Variants in CNTN4 observed in about 807,000 individuals in gnomAD.
CNTN4 encodes the protein contactin 4, also known as contactin-4.
A neutral mutation model predicts 122.5 loss-of-function variants in CNTN4; 77 were observed. That is an observed-to-expected ratio of 0.63 (90% CI 0.52 to 0.76). The LOEUF is 0.76. Ranked by LOEUF, CNTN4 falls within the 30% of genes least tolerant of loss-of-function variation. The pLI, the probability that CNTN4 is intolerant of heterozygous loss-of-function variation, is 0.00. For synonymous variants in CNTN4, 512 were observed against 447.0 expected (o/e 1.15, Z -1.83); for missense variants, 1,256 against 1,259.1 (o/e 1.00, Z 0.04).
chr3:2,713,356 AG>A (rs2087271187), intron 4 of CNTN4, among the ~76,000 whole-genome samples: 1 of 152,210 alleles, frequency 6.6e-6, no homozygotes, highest in Non-Finnish European at 1.5e-5. Context: ...AAATTGTTTC[AG>A]TTTTTTCTAA....
rs115713879 is a variant in CNTN4 at position 2,628,864 on chromosome 3, A to G, written c.55+57306A>G. Reference sequence around the variant, plus strand: ...ACAATTTGGAACTGGATATAACCCAAAAGGGTTTTTTTGTTTGTTTTTTAC... The same window carrying G: ...ACAATTTGGAACTGGATATAACCCAGAAGGGTTTTTTTGTTTGTTTTTTAC... On this transcript the variant is annotated intron_variant, in intron 4 of 24. Transcript: ENST00000418658. 9.3e-3 allele frequency among the ~76,000 whole-genome samples: 1,413 copies of G among 152,288 alleles called. 25 individuals are homozygous for G. Among genetic ancestry groups the G allele is most frequent in the African/African-American group, 0.033 (1,359 of 41,552 alleles).
At chr3:2,776,791 G>A (rs188875188) in intron 6 of CNTN4, among the ~76,000 whole-genome samples, 16 of 152,170 alleles carry the variant, frequency 1.1e-4, no homozygotes, top group African/African-American at 2.9e-4. Context: ...TGCTGAGCCC[G>A]TAGAGTACAA....
intron 2 of CNTN4, among the ~76,000 whole-genome samples, chr3:2,168,048 G>T (rs528214654): frequency 6.6e-6 from 1 of 152,116 alleles, no homozygotes; most frequent in East Asian, 1.9e-4. Flanking sequence ...CAGGAGGATC[G>T]CTTGAGTCCA....
At chr3:2,587,457 G>C (rs1297999477) in intron 4 of CNTN4, among the ~76,000 whole-genome samples, 1 of 152,170 alleles carries the variant, frequency 6.6e-6, no homozygotes, top group Non-Finnish European at 1.5e-5. Context: ...TTCAAGTGGA[G>C]ATAAATTCTT....
intron 12 of CNTN4, among the ~76,000 whole-genome samples, chr3:2,915,037 A>C (rs935593537): frequency 3.9e-5 from 6 of 151,996 alleles, no homozygotes; most frequent in Admixed American, 3.3e-4. Flanking sequence ...GTTCCAATTG[A>C]TGAAGAAAAA....
intron 2 of CNTN4, among the ~76,000 whole-genome samples, chr3:2,153,191 C>T (rs762757866): frequency 7.9e-5 from 12 of 152,070 alleles, no homozygotes; most frequent in East Asian, 3.9e-4. Context: ...AAAATGTAAG[C>T]GTCATTGGCA....
intron 3 of CNTN4, among the ~76,000 whole-genome samples, chr3:2,468,176 A>C (rs1356094529): frequency 6.6e-6 from 1 of 152,210 alleles, no homozygotes; most frequent in African/African-American, 2.4e-5. Flanking sequence ...TAATTTTCTT[A>C]TTAAATGTAA....
chr3:2,309,779 C>T (rs975787243), intron 2 of CNTN4, among the ~76,000 whole-genome samples: 4 of 152,096 alleles, frequency 2.6e-5, no homozygotes, highest in Non-Finnish European at 5.9e-5. Context: ...GTGGAACAAG[C>T]AAGTTATGTC....
At chr3:2,567,081 AT>A (rs373707875) in intron 3 of CNTN4, among the ~76,000 whole-genome samples, 3,798 of 103,320 alleles carry the variant, frequency 0.037, 189 homozygotes, top group African/African-American at 0.11. Flanking sequence ...CAAGTCCAGA[AT>A]TTTTTTTTTT....
chr3:2,136,361 T>C (rs544199841), intron 2 of CNTN4, among the ~76,000 whole-genome samples: 2 of 152,340 alleles, frequency 1.3e-5, no homozygotes, highest in Non-Finnish European at 2.9e-5. Context: ...GTTGTTTCTT[T>C]CACTAATGAC....
At chr3:2,805,961 G>T (rs948288221) in intron 6 of CNTN4, among the ~76,000 whole-genome samples, 1 of 152,084 alleles carries the variant, frequency 6.6e-6, no homozygotes, top group Non-Finnish European at 1.5e-5. Flanking sequence ...GAGTGCAGTG[G>T]TGAGATGTCG....
chr3:2,932,649 C>T (rs9310883), intron 13 of CNTN4, among the ~76,000 whole-genome samples: 52,947 of 151,732 alleles, frequency 0.35, 10,305 homozygotes, highest in East Asian at 0.53. Context: ...GGGTTGAGGA[C>T]ATGGCTGGGA....
chr3:2,896,323 A>G (rs943940958), intron 10 of CNTN4, among the ~76,000 whole-genome samples: 6 of 152,128 alleles, frequency 3.9e-5, no homozygotes, highest in Non-Finnish European at 5.9e-5. Flanking sequence ...TGAGAATTTG[A>G]ATGAATGTAG....
At chr3:2,880,012 G>T (rs762870373) in intron 8 of CNTN4, among the ~76,000 whole-genome samples, 1 of 152,152 alleles carries the variant, frequency 6.6e-6, no homozygotes, top group African/African-American at 2.4e-5. Flanking sequence ...TTCTGGGAGA[G>T]AAAATGTTCA....
intron 6 of CNTN4, among the ~76,000 whole-genome samples, chr3:2,781,448 A>G (rs2091563814): frequency 7.4e-6 from 1 of 136,006 alleles, no homozygotes; most frequent in Non-Finnish European, 1.5e-5. Context: ...GAAGAGTCAA[A>G]CTCTTTGAAG....
At chr3:2,485,114 G>A (rs141542895) in intron 3 of CNTN4, among the ~76,000 whole-genome samples, 1,620 of 152,308 alleles carry the variant, frequency 0.011, 27 homozygotes, top group African/African-American at 0.036. Flanking sequence ...TGCTGCGCTC[G>A]AATTCCCGCC....
chr3:2,675,021 C>T (rs1467995620), intron 4 of CNTN4, among the ~76,000 whole-genome samples: 1 of 152,044 alleles, frequency 6.6e-6, no homozygotes, highest in Non-Finnish European at 1.5e-5. Context: ...ACCTCAAAAG[C>T]ACAGGCAACA....
intron 3 of CNTN4, among the ~76,000 whole-genome samples, chr3:2,517,504 T>C (rs547674385): frequency 6.6e-6 from 1 of 152,260 alleles, no homozygotes. Context: ...CACTTCAACC[T>C]TTCAGAGAGT....
chr3:2,831,396 T>C (rs532392517), intron 7 of CNTN4, among the ~76,000 whole-genome samples: 87 of 152,346 alleles, frequency 5.7e-4, no homozygotes, highest in African/African-American at 2.0e-3. Flanking sequence ...AAGTTCCAAA[T>C]GAAGCATAAT....
Sources: gnomAD v4.1 joint callset for allele counts (sites outside exome capture counted in the v4.1 genomes callset) on GRCh38, gnomAD v4.1.1 for gene constraint, MANE v1.5 for transcripts, NCBI Gene and HGNC (gene_info 2026-07-23, HGNC 2026-07-21) for gene names.